Variants in KAZN observed in about 807,000 individuals in gnomAD.
The protein encoded by KAZN is kazrin.
In KAZN, 40 loss-of-function variants were observed where a neutral mutation model predicts 87.4. The observed-to-expected ratio is 0.46, with a 90% CI of 0.36 to 0.60. KAZN has a LOEUF of 0.60. Ranked by LOEUF, KAZN falls within the 20% of genes least tolerant of loss-of-function variation. KAZN has a pLI of 0.00. For missense variants in KAZN, 898 were observed against 1,073.9 expected, an observed-to-expected ratio of 0.84 and a Z score of 2.29; for synonymous variants, 466 against 458.3, an observed-to-expected ratio of 1.02 and a Z score of -0.22.
chr1:14,341,888 T>A (rs1657753793), intron 2 of KAZN, among the ~76,000 whole-genome samples: 2 of 152,194 alleles, frequency 1.3e-5, no homozygotes, highest in Admixed American at 6.5e-5. Flanking sequence ...TAGGTAAATT[T>A]GTGACATGGG....
intron 2 of KAZN, among the ~76,000 whole-genome samples, chr1:14,988,887 C>G (rs1320950095): frequency 4.6e-5 from 7 of 152,242 alleles, no homozygotes; most frequent in Non-Finnish European, 5.9e-5. Flanking sequence ...GGCACGCTTA[C>G]CACTGCATGC....
intron 2 of KAZN, among the ~76,000 whole-genome samples, chr1:14,496,350 A>G (rs1317172810): frequency 6.6e-6 from 1 of 152,200 alleles, no homozygotes; most frequent in East Asian, 1.9e-4. Flanking sequence ...GAATGTGAAC[A>G]TTCTGGGGGG....
intron 2 of KAZN, among the ~76,000 whole-genome samples, chr1:14,495,494 T>C (rs116677151): frequency 6.6e-6 from 1 of 152,180 alleles, no homozygotes; most frequent in African/African-American, 2.4e-5. Flanking sequence ...AAGAAATTCA[T>C]GCTCCTTTCC....
At chr1:15,075,218 A>G (rs1057385733) in intron 8 of KAZN, among the ~76,000 whole-genome samples, 5 of 152,118 alleles carry the variant, frequency 3.3e-5, no homozygotes, top group African/African-American at 4.8e-5. Context: ...TGGTTCTGGA[A>G]CCCAGGGCTC....
At chr1:13,901,076 C>G (rs1262208850) in intron 1 of KAZN, among the ~76,000 whole-genome samples, 2 of 151,668 alleles carry the variant, frequency 1.3e-5, no homozygotes, top group African/African-American at 2.4e-5. Context: ...AAAAGAAAAC[C>G]TCAACATTTT....
At chr1:14,998,709 A>T (rs10449295) in intron 2 of KAZN, among the ~76,000 whole-genome samples, 42,184 of 151,828 alleles carry the variant, frequency 0.28, 7,702 homozygotes, top group African/African-American at 0.52. Flanking sequence ...CCACCACACC[A>T]GGCTAATTTT....
intron 2 of KAZN, among the ~76,000 whole-genome samples, chr1:14,301,890 A>G (rs1341125421): frequency 1.3e-5 from 2 of 152,136 alleles, no homozygotes; most frequent in Non-Finnish European, 2.9e-5. Context: ...GGACCCCTGC[A>G]TCGCTTCCTT....
intron 2 of KAZN, among the ~76,000 whole-genome samples, chr1:14,422,747 G>A (rs960412976): frequency 6.6e-6 from 1 of 152,228 alleles, no homozygotes; most frequent in Admixed American, 6.5e-5. Flanking sequence ...CAGAAGGCAG[G>A]TGGGTTTCTA....
chr1:14,086,507 A>C (rs1643861310), intron 1 of KAZN, among the ~76,000 whole-genome samples: 1 of 152,158 alleles, frequency 6.6e-6, no homozygotes, highest in African/African-American at 2.4e-5. Flanking sequence ...TCAGTATCTC[A>C]AATATTAAAA....
At chr1:14,138,143 C>A (rs1285518938) in intron 1 of KAZN, among the ~76,000 whole-genome samples, 1 of 151,180 alleles carries the variant, frequency 6.6e-6, no homozygotes, top group Non-Finnish European at 1.5e-5. Context: ...CGTTCAGTTG[C>A]AACTACTAGA....
At chr1:14,519,818 C>G (rs538492594) in intron 2 of KAZN, among the ~76,000 whole-genome samples, 52 of 152,172 alleles carry the variant, frequency 3.4e-4, no homozygotes, top group African/African-American at 1.2e-3. Flanking sequence ...CATGACCCAG[C>G]AGCAGGAGAA....
intron 2 of KAZN, among the ~76,000 whole-genome samples, chr1:14,421,321 T>C (rs1665413755): frequency 6.6e-6 from 1 of 152,150 alleles, no homozygotes. Flanking sequence ...ATTGACTCTG[T>C]ATTATCTTAC....
chr1:14,139,424 A>G (rs1406303186), intron 1 of KAZN, among the ~76,000 whole-genome samples: 1 of 152,188 alleles, frequency 6.6e-6, no homozygotes, highest in Non-Finnish European at 1.5e-5. Context: ...ATCACATCAC[A>G]CGTATAGCTT....
At chr1:15,074,677 G>A (rs1284825299) in intron 8 of KAZN, among the ~76,000 whole-genome samples, 7 of 152,252 alleles carry the variant, frequency 4.6e-5, no homozygotes, top group East Asian at 3.9e-4. Flanking sequence ...TACAGTTCAC[G>A]ACACTCTTTC....
intron 2 of KAZN, among the ~76,000 whole-genome samples, chr1:14,993,122 C>T (rs945725592): frequency 6.6e-5 from 10 of 150,696 alleles, no homozygotes; most frequent in African/African-American, 2.4e-4. Context: ...CCATCGCGCC[C>T]AGTCTGGGAG....
At chr1:14,011,320 C>T (rs569978395) in intron 1 of KAZN, among the ~76,000 whole-genome samples, 3 of 152,220 alleles carry the variant, frequency 2.0e-5, no homozygotes, top group Non-Finnish European at 4.4e-5. Context: ...TCTTTCTGTT[C>T]TTCCACTGTG....
chr1:14,662,965 A>C (rs1218250523), intron 1 of KAZN, among the ~76,000 whole-genome samples: 9 of 105,234 alleles, frequency 8.6e-5, no homozygotes, highest in African/African-American at 2.8e-4. Flanking sequence ...ATATGCACAC[A>C]TATATATATA....
intron 1 of KAZN, among the ~76,000 whole-genome samples, chr1:14,040,519 T>C (rs1047164818): frequency 2.6e-5 from 4 of 152,164 alleles, no homozygotes; most frequent in Non-Finnish European, 4.4e-5. Flanking sequence ...TCCAGCACTT[T>C]GGGAGGCCAA....
chr1:13,998,868 T>C (rs1301495345), intron 1 of KAZN, among the ~76,000 whole-genome samples: 1 of 152,166 alleles, frequency 6.6e-6, no homozygotes, highest in Non-Finnish European at 1.5e-5. Context: ...AAGCAGACCT[T>C]GTAGATGTCT....
Sources: allele counts gnomAD v4.1 joint callset (sites outside exome capture counted in the v4.1 genomes callset), GRCh38; gene constraint gnomAD v4.1.1; transcripts MANE v1.5; gene names NCBI Gene and HGNC (gene_info 2026-07-23, HGNC 2026-07-21).